The following AKAP19 variants were observed in gnomAD, a reference collection of about 807,000 sequenced individuals.
The protein encoded by AKAP19 is A-kinase anchoring protein 19.
At chr2:190,101,490 C>T in the AKAP19 span, among the ~76,000 whole-genome samples, 2 of 152,032 alleles carry the variant, frequency 1.3e-5, no homozygotes, top group Non-Finnish European at 2.9e-5. Flanking sequence ...TTGCCTGGAC[C>T]AGCAGCCTGA....
At chr2:189,959,752 T>C in the AKAP19 span, among the ~76,000 whole-genome samples, 1 of 152,204 alleles carries the variant, frequency 6.6e-6, no homozygotes, top group Non-Finnish European at 1.5e-5. Context: ...TCCCAGGTGT[T>C]AAAATAAATA....
the AKAP19 span, among the ~76,000 whole-genome samples, chr2:189,918,141 A>C: frequency 1.3e-5 from 2 of 152,036 alleles, no homozygotes; most frequent in Non-Finnish European, 2.9e-5. Context: ...ATATGCTTAG[A>C]GCCCCAGGAG....
the AKAP19 span, among the ~76,000 whole-genome samples, chr2:190,112,709 T>A: frequency 6.6e-6 from 1 of 152,182 alleles, no homozygotes; most frequent in East Asian, 1.9e-4. Context: ...TTGATCATGA[T>A]GTGGTGTTAT....
chr2:189,920,254 A>T, the AKAP19 span, among the ~76,000 whole-genome samples: 4 of 152,222 alleles, frequency 2.6e-5, no homozygotes, highest in Non-Finnish European at 5.9e-5. Context: ...GGCAGTTTGA[A>T]GATGTCAGAT....
At chr2:189,933,325 A>AC in the AKAP19 span, among the ~76,000 whole-genome samples, 2 of 152,188 alleles carry the variant, frequency 1.3e-5, no homozygotes, top group African/African-American at 4.8e-5. Context: ...AAAACCGTGT[A>AC]CCTAGTGTCT....
the AKAP19 span, chr2:190,060,065 C>T: frequency 6.2e-7 from 1 of 1,611,844 alleles, no homozygotes; most frequent in Non-Finnish European, 8.5e-7. Flanking sequence ...CACTTACCAG[C>T]CCATCTTCTC....
the AKAP19 span, among the ~76,000 whole-genome samples, chr2:189,899,854 A>G: frequency 6.6e-6 from 1 of 152,112 alleles, no homozygotes; most frequent in Non-Finnish European, 1.5e-5. Flanking sequence ...AATTGCAAAA[A>G]TGTTGCTATT....
chr2:190,185,047 G>C, the AKAP19 span, among the ~76,000 whole-genome samples: 1 of 152,166 alleles, frequency 6.6e-6, no homozygotes, highest in African/African-American at 2.4e-5. Flanking sequence ...CTCTGACCTA[G>C]AGTCCTAGTG....
the AKAP19 span, among the ~76,000 whole-genome samples, chr2:189,920,584 G>T: frequency 5.3e-5 from 8 of 152,172 alleles, no homozygotes; most frequent in African/African-American, 1.7e-4. Context: ...AAGCAATCCT[G>T]CCCCAAGGCC....
At chr2:190,192,872 G>C in the AKAP19 span, among the ~76,000 whole-genome samples, 113 of 152,130 alleles carry the variant, frequency 7.4e-4, no homozygotes, top group African/African-American at 2.7e-3. Context: ...TTAAGACCTT[G>C]CTACAATTAT....
At chr2:190,078,998 G>GAA in the AKAP19 span, among the ~76,000 whole-genome samples, 11 of 142,986 alleles carry the variant, frequency 7.7e-5, no homozygotes, top group African/African-American at 2.4e-4. Flanking sequence ...TTATAACTAT[G>GAA]AAAAAAAACA....
chr2:190,110,001 T>G, the AKAP19 span, among the ~76,000 whole-genome samples: 2 of 152,326 alleles, frequency 1.3e-5, no homozygotes, highest in South Asian at 4.1e-4. Flanking sequence ...CCAGAGCTTC[T>G]GATTCAGTAG....
At chr2:190,167,326 G>C in the AKAP19 span, among the ~76,000 whole-genome samples, 1 of 152,164 alleles carries the variant, frequency 6.6e-6, no homozygotes, top group Non-Finnish European at 1.5e-5. Flanking sequence ...CCATGTTTCA[G>C]TTACCTCTCA....
chr2:189,975,058 G>A, the AKAP19 span, among the ~76,000 whole-genome samples: 13 of 152,184 alleles, frequency 8.5e-5, no homozygotes, highest in Non-Finnish European at 1.5e-4. Context: ...GTTAGTAGAT[G>A]CAGTTTCTTC....
At chr2:189,949,791 C>T in the AKAP19 span, among the ~76,000 whole-genome samples, 1 of 151,066 alleles carries the variant, frequency 6.6e-6, no homozygotes, top group Non-Finnish European at 1.5e-5. Flanking sequence ...GCCACCATGC[C>T]CAACCAATTT....
chr2:190,176,112 G>A, the AKAP19 span, among the ~76,000 whole-genome samples: 1 of 152,200 alleles, frequency 6.6e-6, no homozygotes. This position sits in a 1 kb window ranked among gnomAD's most constrained non-coding sequence, Gnocchi z 4.7. Context: ...TTCTGTCACA[G>A]TAGCACAGAA....
At chr2:189,996,627 G>C in the AKAP19 span, among the ~76,000 whole-genome samples, 2 of 152,074 alleles carry the variant, frequency 1.3e-5, no homozygotes, top group African/African-American at 4.8e-5. Flanking sequence ...TGGATTTATT[G>C]ATAGGGAGCT....
At chr2:190,038,911 TTCTTC>T in the AKAP19 span, among the ~76,000 whole-genome samples, 42 of 112,160 alleles carry the variant, frequency 3.7e-4, no homozygotes, top group African/African-American at 1.8e-3. Flanking sequence ...TTTCTTCTTC[TTCTTC>T]TTCTTCTTCT....
At chr2:190,076,420 A>G in the AKAP19 span, among the ~76,000 whole-genome samples, 1 of 152,190 alleles carries the variant, frequency 6.6e-6, no homozygotes, top group African/African-American at 2.4e-5. Flanking sequence ...TGTCTATATG[A>G]TAACATTTTC....
Sources: gnomAD v4.1 joint callset for allele counts (sites outside exome capture counted in the v4.1 genomes callset) on GRCh38, gnomAD v4.1.1 for gene constraint, Gnocchi (gnomAD v3.1) non-coding constraint, MANE v1.5 for transcripts, NCBI Gene and HGNC (gene_info 2026-07-23, HGNC 2026-07-21) for gene names.